The following GALNT13 variants were observed in gnomAD, a reference collection of about 807,000 sequenced individuals.
GALNT13 encodes polypeptide N-acetylgalactosaminyltransferase 13.
GALNT13 carries 28 observed loss-of-function variants against 64.2 expected under a neutral mutation model. The ratio of observed to expected loss-of-function variants is 0.44; its 90% CI spans 0.32 to 0.60. The LOEUF (loss-of-function observed/expected upper bound fraction) is 0.60, where lower values mean the gene tolerates loss of function less well. Ranked by LOEUF, GALNT13 falls within the 20% of genes least tolerant of loss-of-function variation. The probability of loss-of-function intolerance (pLI) is 0.05; values close to 1 mark genes in which losing one functional copy is unlikely to be tolerated. For missense variants in GALNT13, 577 were observed against 669.8 expected (o/e 0.86, Z 1.53); for synonymous variants, 214 against 224.6 (o/e 0.95, Z 0.42).
the GALNT13 span, among the ~76,000 whole-genome samples, chr2:153,545,238 G>C: frequency 6.6e-6 from 1 of 152,084 alleles, no homozygotes; most frequent in Non-Finnish European, 1.5e-5. Context: ...TCTGAGATAT[G>C]GCCCTTCTTC....
the GALNT13 span, among the ~76,000 whole-genome samples, chr2:153,583,206 C>T: frequency 3.9e-5 from 6 of 152,104 alleles, no homozygotes; most frequent in Non-Finnish European, 7.4e-5. Context: ...AATAAATAAG[C>T]TTTTAAGCCA....
At chr2:153,387,930 G>A in the GALNT13 span, among the ~76,000 whole-genome samples, 4 of 151,962 alleles carry the variant, frequency 2.6e-5, no homozygotes, top group African/African-American at 9.6e-5. Flanking sequence ...GCCCATGGGA[G>A]GAAATGAATA....
At chr2:153,949,547 A>T (rs898306951) in intron 3 of GALNT13, among the ~76,000 whole-genome samples, 18 of 151,840 alleles carry the variant, frequency 1.2e-4, no homozygotes, top group Admixed American at 5.9e-4. Context: ...AGGCTGTAAC[A>T]TTAAAATTGA....
the GALNT13 span, among the ~76,000 whole-genome samples, chr2:153,446,506 A>G: frequency 2.5e-4 from 38 of 152,292 alleles, no homozygotes; most frequent in African/African-American, 8.4e-4. Context: ...TGTAAAGACT[A>G]CACTCTTAAC....
chr2:154,431,896 T>C (rs919017637), intron 11 of GALNT13, among the ~76,000 whole-genome samples: 1 of 152,200 alleles, frequency 6.6e-6, no homozygotes, highest in African/African-American at 2.4e-5. Flanking sequence ...TCCACCACAA[T>C]TGTGAGCCTC....
intron 3 of GALNT13, among the ~76,000 whole-genome samples, chr2:153,970,354 G>T (rs888211747): frequency 5.9e-5 from 9 of 152,028 alleles, no homozygotes; most frequent in Non-Finnish European, 5.9e-5. Context: ...TTTGTTACTT[G>T]TCTTAGAGGC....
At chr2:153,951,511 A>T (rs1692181021) in intron 3 of GALNT13, among the ~76,000 whole-genome samples, 1 of 152,134 alleles carries the variant, frequency 6.6e-6, no homozygotes, top group Admixed American at 6.6e-5. Flanking sequence ...TTAAGATATG[A>T]TATTAAGAGA....
chr2:153,319,834 G>C, the GALNT13 span, among the ~76,000 whole-genome samples: 2 of 152,096 alleles, frequency 1.3e-5, no homozygotes, highest in East Asian at 1.9e-4. Context: ...TAACTTTCAT[G>C]GTTCCCATTT....
At position 153,898,591 on chromosome 2, in the gene GALNT13, T is replaced by C. The variant is rs191307938; in HGVS notation, c.-176-2345T>C. Among the ~76,000 whole-genome samples, 354 of 152,174 alleles carry C rather than the reference T, an allele frequency of 2.3e-3. 5 individuals are homozygous for C. The highest frequency in any genetic ancestry group is 8.2e-3 in the African/African-American group (340 of 41,556). On this transcript the variant is annotated intron_variant, in intron 1 of 12. Coordinates refer to ENST00000392825, the MANE Select transcript of GALNT13 (RefSeq NM_052917.4). ...GTAAATGTAAAATTATTATATGAGG[T>C]CTCATTCTTTCACTTGATGATGTAC...
At chr2:153,116,492 A>C in the GALNT13 span, among the ~76,000 whole-genome samples, 1 of 152,176 alleles carries the variant, frequency 6.6e-6, no homozygotes, top group African/African-American at 2.4e-5. Context: ...AAATAGAAGA[A>C]AACCATCACA....
At chr2:153,922,234 T>G (rs1689809067) in intron 2 of GALNT13, among the ~76,000 whole-genome samples, 1 of 152,152 alleles carries the variant, frequency 6.6e-6, no homozygotes, top group South Asian at 2.1e-4. Flanking sequence ...TTCTTCTCAG[T>G]TTGAACACAG....
At chr2:153,557,724 T>G in the GALNT13 span, among the ~76,000 whole-genome samples, 334 of 152,352 alleles carry the variant, frequency 2.2e-3, 1 homozygote, top group African/African-American at 7.3e-3. Context: ...ATTGCTCTTA[T>G]AATAAAATTT....
At chr2:154,078,756 A>G (rs1377926387) in intron 3 of GALNT13, among the ~76,000 whole-genome samples, 1 of 151,686 alleles carries the variant, frequency 6.6e-6, no homozygotes, top group Admixed American at 6.6e-5. Flanking sequence ...ATTACTGAAC[A>G]TATGTTTGTA....
chr2:153,741,358 A>G, the GALNT13 span, among the ~76,000 whole-genome samples: 9 of 151,804 alleles, frequency 5.9e-5, no homozygotes, highest in Non-Finnish European at 1.0e-4. Context: ...TAAATCTTTC[A>G]TATCTGTCTT....
the GALNT13 span, among the ~76,000 whole-genome samples, chr2:153,112,991 A>G: frequency 8.2e-4 from 125 of 152,210 alleles, 2 homozygotes; most frequent in African/African-American, 2.9e-3. Context: ...ACTAAAGTTT[A>G]GGTTCTTCCA....
At chr2:153,203,953 A>G in the GALNT13 span, among the ~76,000 whole-genome samples, 7 of 152,236 alleles carry the variant, frequency 4.6e-5, no homozygotes, top group Non-Finnish European at 1.0e-4. Context: ...GTAAAAGGCC[A>G]TATTTGAGAG....
At chr2:153,367,819 T>TA in the GALNT13 span, among the ~76,000 whole-genome samples, 2 of 151,536 alleles carry the variant, frequency 1.3e-5, no homozygotes, top group Non-Finnish European at 2.9e-5. Flanking sequence ...AATACCTAAA[T>TA]AAAAAATCAA....
Position 153,993,105 on chromosome 2 carries a change from C to T in GALNT13, c.142+48466C>T, listed in dbSNP as rs143758464. Among the ~76,000 whole-genome samples the T allele has an allele frequency of 4.7e-3, 711 of 152,024 alleles. 2 individuals are homozygous for T. The highest frequency in any genetic ancestry group is 0.015 in the African/African-American group (617 of 41,486). ...ATAAATTCAGAAGATGATATATTTA[C>T]GACTAATATATTTTATATTTTTACC... On this transcript the variant is annotated intron_variant, in intron 3 of 12. Transcript: ENST00000392825.
chr2:153,792,075 A>G, the GALNT13 span, among the ~76,000 whole-genome samples: 2 of 152,086 alleles, frequency 1.3e-5, no homozygotes, highest in African/African-American at 4.8e-5. Context: ...AAAAGTTAAA[A>G]CATGGAAAAA....
Sources: gnomAD v4.1 joint callset for allele counts (sites outside exome capture counted in the v4.1 genomes callset) on GRCh38, gnomAD v4.1.1 for gene constraint, MANE v1.5 for transcripts, NCBI Gene and HGNC (gene_info 2026-07-23, HGNC 2026-07-21) for gene names.